Variants in VDAC1 observed in about 807,000 individuals in gnomAD.
The protein encoded by VDAC1 is non-selective voltage-gated ion channel VDAC1.
VDAC1 carries 10 observed loss-of-function variants against 34.7 expected under a neutral mutation model. That is an observed-to-expected ratio of 0.29 (90% CI 0.18 to 0.49). The LOEUF (loss-of-function observed/expected upper bound fraction) is 0.49. VDAC1 is among the 20% of genes least tolerant of loss of function. The pLI, the probability that VDAC1 is intolerant of heterozygous loss-of-function variation, is 0.99. For missense variants in VDAC1, 230 were observed against 347.9 expected, an observed-to-expected ratio of 0.66 and a Z score of 2.69; for synonymous variants, 130 against 136.0, an observed-to-expected ratio of 0.96 and a Z score of 0.30.
At chr5:134,080,913 C>T in the VDAC1 span, among the ~76,000 whole-genome samples, 1 of 151,994 alleles carries the variant, frequency 6.6e-6, no homozygotes, top group Non-Finnish European at 1.5e-5. Flanking sequence ...GAGTATTACT[C>T]TTGCCCAGGC....
At chr5:134,004,178 G>A (rs1037681238) in intron 1 of VDAC1, among the ~76,000 whole-genome samples, 6 of 152,030 alleles carry the variant, frequency 3.9e-5, no homozygotes, top group African/African-American at 4.8e-5. Flanking sequence ...CGGTCGTCAC[G>A]TGAGCTCATC....
At chr5:133,991,261 G>T in intron 3 of VDAC1, 107 bp from the exon 4 acceptor site, 2 of 1,413,588 alleles carry the variant, frequency 1.4e-6, no homozygotes, top group Non-Finnish European at 1.9e-6. Context: ...GACCCTGAAT[G>T]TGGGGGGGCC....
At chr5:134,113,127 C>A in the VDAC1 span, among the ~76,000 whole-genome samples, 1 of 152,240 alleles carries the variant, frequency 6.6e-6, no homozygotes, top group Non-Finnish European at 1.5e-5. Context: ...GCCCCCCCTT[C>A]CCCGCCAATC....
At chr5:134,060,858 CAG>C in the VDAC1 span, among the ~76,000 whole-genome samples, 4 of 147,262 alleles carry the variant, frequency 2.7e-5, no homozygotes, top group Non-Finnish European at 6.0e-5. Flanking sequence ...TTATTTGTTG[CAG>C]ATCTCCTCCT....
chr5:134,064,674 A>G, the VDAC1 span, among the ~76,000 whole-genome samples: 1 of 151,402 alleles, frequency 6.6e-6, no homozygotes, highest in African/African-American at 2.4e-5. Context: ...GATACAAGGG[A>G]TATAGAACTA....
chr5:134,006,702 C>T (rs576285261), upstream of VDAC1, among the ~76,000 whole-genome samples: 3 of 149,362 alleles, frequency 2.0e-5, no homozygotes, highest in African/African-American at 7.5e-5. Context: ...GAGATTGAGC[C>T]GCTGTACTCC....
chr5:133,999,211 C>G (rs2127011610), intron 1 of VDAC1, among the ~76,000 whole-genome samples: 1 of 152,216 alleles, frequency 6.6e-6, no homozygotes, highest in South Asian at 2.1e-4. Context: ...GAGCTTTGCA[C>G]CCCTAGAGAG....
the VDAC1 span, among the ~76,000 whole-genome samples, chr5:134,036,445 C>G: frequency 6.6e-6 from 1 of 152,124 alleles, no homozygotes; most frequent in African/African-American, 2.4e-5. Context: ...GGGGAACTGT[C>G]CCAGATTGGA....
At chr5:133,996,213 AG>A (rs924415178) in intron 1 of VDAC1, among the ~76,000 whole-genome samples, 3 of 152,288 alleles carry the variant, frequency 2.0e-5, no homozygotes, top group Non-Finnish European at 4.4e-5. Flanking sequence ...TAGGAAACAG[AG>A]GGATGGGCAG....
the VDAC1 span, among the ~76,000 whole-genome samples, chr5:134,106,412 C>CTATCTTT: frequency 3.5e-4 from 52 of 150,024 alleles, no homozygotes; most frequent in Non-Finnish European, 7.2e-4. Context: ...TGTTGTCATC[C>CTATCTTT]TCTTTTTTTT....
Position 133,993,030 on chromosome 5 carries a change from G to T in VDAC1, c.-6-12C>A, listed in dbSNP as rs1049718153. On this transcript the variant is annotated splice_polypyrimidine_tract_variant and intron_variant, in intron 1 of 8. Transcript: ENST00000265333. ...ACAGCCATCTTCTGCTATGATAAAAGAATCACCAGAATAAATGCATTGATA... is the reference window on the plus strand; with the variant it reads ...ACAGCCATCTTCTGCTATGATAAAATAATCACCAGAATAAATGCATTGATA... The T allele has an allele frequency of 8.1e-6, 13 of 1,603,970 alleles. No homozygotes were observed. Among genetic ancestry groups the T allele is most frequent in the East Asian group, 2.2e-5 (1 of 44,708 alleles).
the VDAC1 span, among the ~76,000 whole-genome samples, chr5:134,049,348 C>T: frequency 6.6e-6 from 1 of 152,214 alleles, no homozygotes; most frequent in African/African-American, 2.4e-5. Context: ...CCTACCTCCG[C>T]TTCCTAAAGT....
upstream of VDAC1, among the ~76,000 whole-genome samples, chr5:134,006,703 G>A (rs1394103605): frequency 1.4e-5 from 2 of 143,276 alleles, no homozygotes; most frequent in African/African-American, 2.6e-5. Flanking sequence ...AGATTGAGCC[G>A]CTGTACTCCA....
rs530495429 is a variant in VDAC1 at position 133,994,734 on chromosome 5, G to A, written c.-6-1716C>T. On this transcript the variant is annotated intron_variant, in intron 1 of 8. Transcript: ENST00000265333. Reference sequence around the variant, plus strand: ...GGCAGACACAGAACATAACAGTAACGGGCCCAGAACATTCTCCACCCGACA... The same window carrying A: ...GGCAGACACAGAACATAACAGTAACAGGCCCAGAACATTCTCCACCCGACA... Among the ~76,000 whole-genome samples the A allele has an allele frequency of 3.9e-5, 6 of 152,240 alleles. No homozygotes were observed. In the East Asian group the frequency reaches 7.7e-4, roughly 20 times the overall value.
chr5:134,073,469 T>C, the VDAC1 span, among the ~76,000 whole-genome samples: 1 of 152,238 alleles, frequency 6.6e-6, no homozygotes, highest in Non-Finnish European at 1.5e-5. Context: ...TGAGCATCAC[T>C]GCTGTGGGTT....
At chr5:134,027,010 A>G in the VDAC1 span, among the ~76,000 whole-genome samples, 2 of 152,182 alleles carry the variant, frequency 1.3e-5, no homozygotes, top group African/African-American at 4.8e-5. Flanking sequence ...GCATTTGACA[A>G]TATCTGGAGA....
the VDAC1 span, among the ~76,000 whole-genome samples, chr5:134,024,636 G>A: frequency 3.3e-5 from 5 of 151,284 alleles, no homozygotes; most frequent in Non-Finnish European, 7.4e-5. Flanking sequence ...TAAAATGACT[G>A]CAGCAAAATA....
At chr5:133,986,205 T>C (rs769021168) in intron 5 of VDAC1, among the ~76,000 whole-genome samples, 2 of 152,202 alleles carry the variant, frequency 1.3e-5, no homozygotes, top group African/African-American at 2.4e-5. Context: ...GCGTGGGTGC[T>C]GGTCCTTATT....
At chr5:134,027,411 AACATGGGGG>A in the VDAC1 span, among the ~76,000 whole-genome samples, 1 of 152,098 alleles carries the variant, frequency 6.6e-6, no homozygotes, top group Non-Finnish European at 1.5e-5. Flanking sequence ...CCCTGGAGAG[AACATGGGGG>A]ACAAGAGAGC....
Sources: allele counts gnomAD v4.1 joint callset (sites outside exome capture counted in the v4.1 genomes callset), GRCh38; gene constraint gnomAD v4.1.1; transcripts MANE v1.5; gene names NCBI Gene and HGNC (gene_info 2026-07-23, HGNC 2026-07-21).